Variants in CCDC170 observed in about 807,000 individuals in gnomAD.
CCDC170 encodes the protein coiled-coil domain-containing protein 170.
A neutral mutation model predicts 72.6 loss-of-function variants in CCDC170; 69 were observed. The observed-to-expected ratio is 0.95, with a 90% CI of 0.78 to 1.16. CCDC170 has a LOEUF of 1.16. Among genes scored for constraint, CCDC170 ranks in the 50% most tolerant of loss-of-function variants. The pLI is 0.00. For synonymous variants in CCDC170, 300 were observed against 303.9 expected (o/e 0.99, Z 0.13); for missense variants, 852 against 832.5 (o/e 1.02, Z -0.29).
At chr6:151,531,694 AT>A (rs1782492959) in intron 1 of CCDC170, among the ~76,000 whole-genome samples, 1 of 152,238 alleles carries the variant, frequency 6.6e-6, no homozygotes, top group Non-Finnish European at 1.5e-5. Flanking sequence ...TGGGTAGTTT[AT>A]AAAGGAAAGA....
chr6:151,541,402 G>C (rs1454032211), intron 3 of CCDC170, among the ~76,000 whole-genome samples: 1 of 152,144 alleles, frequency 6.6e-6, no homozygotes, highest in East Asian at 1.9e-4. Flanking sequence ...GTTTTTCAGA[G>C]ATGGGGATCT....
chr6:151,535,198 T>C (rs972508043), intron 1 of CCDC170, among the ~76,000 whole-genome samples: 6 of 152,214 alleles, frequency 3.9e-5, no homozygotes, highest in African/African-American at 1.4e-4. Flanking sequence ...ACTGGGAATT[T>C]ACACTTCAAA....
chr6:151,519,834 G>A (rs1021393159), intron 1 of CCDC170, among the ~76,000 whole-genome samples: 3 of 152,188 alleles, frequency 2.0e-5, no homozygotes, highest in Non-Finnish European at 2.9e-5. Flanking sequence ...GCTAGTGGTA[G>A]GAGTGTCTTT....
chr6:151,545,271 T>C (rs148362436), intron 4 of CCDC170, among the ~76,000 whole-genome samples: 2,107 of 152,140 alleles, frequency 0.014, 56 homozygotes, highest in African/African-American at 0.048. Flanking sequence ...ATACAAAAAT[T>C]AGCCAGGCGT....
chr6:151,544,725 A>G lies in CCDC170; in HGVS notation c.588+9A>G. The G allele has an allele frequency of 1.2e-6, 2 of 1,602,412 alleles. No homozygotes were observed. The highest frequency in any genetic ancestry group is 1.7e-6 in the Non-Finnish European group (2 of 1,171,324). ...AAGATTTAATTTTAAAGGTGTCTGT[A>G]TGCAGATTAAAAAGTCTATAAATGT... On this transcript the variant is annotated intron_variant, in intron 4 of 10. Transcript: ENST00000239374.
rs1316846372 is a variant in CCDC170 at position 151,520,818 on chromosome 6, C to A, written c.58-15500C>A. On this transcript the variant is annotated intron_variant, in intron 1 of 10. Transcript: ENST00000239374. ...TTTCAACTTCCCATCTCTTACTTAACCAGTCAACATTCCTGGTTCACTGGC... is the reference window on the plus strand; with the variant it reads ...TTTCAACTTCCCATCTCTTACTTAAACAGTCAACATTCCTGGTTCACTGGC... Among the ~76,000 whole-genome samples the A allele has an allele frequency of 2.0e-5, 3 of 152,168 alleles. No homozygotes were observed. The East Asian group carries it at 5.8e-4, about 29-fold the overall frequency.
At chr6:151,557,160 G>A (rs2115068171) in intron 5 of CCDC170, among the ~76,000 whole-genome samples, 1 of 152,202 alleles carries the variant, frequency 6.6e-6, no homozygotes, top group South Asian at 2.1e-4. Flanking sequence ...TGTAATCCCA[G>A]CACTTTGGGA....
chr6:151,533,920 G>A (rs1250672426), intron 1 of CCDC170, among the ~76,000 whole-genome samples: 1 of 152,106 alleles, frequency 6.6e-6, no homozygotes, highest in Admixed American at 6.5e-5. Context: ...TGGACTCTGA[G>A]GGTGATTTAG....
At chr6:151,511,885 C>T (rs2115026134) in intron 1 of CCDC170, among the ~76,000 whole-genome samples, 1 of 152,218 alleles carries the variant, frequency 6.6e-6, no homozygotes, top group African/African-American at 2.4e-5. Context: ...TCAGTCTCTG[C>T]CACCCAGACT....
intron 9 of CCDC170, among the ~76,000 whole-genome samples, chr6:151,599,024 C>T (rs1284232485): frequency 1.3e-5 from 2 of 151,970 alleles, no homozygotes; most frequent in African/African-American, 4.8e-5. Flanking sequence ...TCCAAAGAAG[C>T]TAGAAAAGAA....
At chr6:151,574,430 G>T (rs189741910) in intron 6 of CCDC170, among the ~76,000 whole-genome samples, 1 of 152,254 alleles carries the variant, frequency 6.6e-6, no homozygotes, top group Non-Finnish European at 1.5e-5. Context: ...TCTACAGAAA[G>T]GGGTTAGCAC....
chr6:151,579,673 C>T (rs545783007), intron 6 of CCDC170, among the ~76,000 whole-genome samples: 2 of 152,282 alleles, frequency 1.3e-5, no homozygotes, highest in Non-Finnish European at 2.9e-5. Flanking sequence ...CCTAGAAAGA[C>T]TTCTAGTTGA....
At chr6:151,535,242 G>A (rs1285989688) in intron 1 of CCDC170, among the ~76,000 whole-genome samples, 1 of 152,186 alleles carries the variant, frequency 6.6e-6, no homozygotes, top group Non-Finnish European at 1.5e-5. Flanking sequence ...TGAAAAACTG[G>A]AATGATTTGG....
chr6:151,544,756 T>C, intron 4 of CCDC170, 40 bp downstream of exon 4: 1 of 1,569,902 alleles, frequency 6.4e-7, no homozygotes, highest in South Asian at 1.2e-5. Flanking sequence ...AATGTAGTGG[T>C]GATTCTGACA....
chr6:151,518,289 G>C lies in CCDC170; in HGVS notation c.58-18029G>C, dbSNP rs867827155. ...ACTTTCTAAGCCAGCCCATCTCCAG[G>C]GGGTGGGATCTTGGAGAAATCAGGC... is the stretch of plus-strand genomic sequence containing the variant. On this transcript the variant is annotated intron_variant, in intron 1 of 10. Transcript: ENST00000239374. 1.8e-4 allele frequency among the ~76,000 whole-genome samples: 27 copies of C among 152,148 alleles called. No homozygotes were observed. The East Asian group carries it at 2.1e-3, about 12-fold the overall frequency.
chr6:151,530,047 A>T, intron 1 of CCDC170, among the ~76,000 whole-genome samples: 1 of 152,174 alleles, frequency 6.6e-6, no homozygotes, highest in East Asian at 1.9e-4. Flanking sequence ...ACCTAATGAC[A>T]TTTTTCTCCA....
chr6:151,568,105 GAAA>G (rs771627857), intron 5 of CCDC170, among the ~76,000 whole-genome samples: 1,741 of 38,272 alleles, frequency 0.045, 58 homozygotes, highest in African/African-American at 0.14. Flanking sequence ...GTGAGACTCT[GAAA>G]AAAAAAAAAA....
chr6:151,497,700 G>GT (rs1781929203), intron 1 of CCDC170, among the ~76,000 whole-genome samples: 1 of 151,982 alleles, frequency 6.6e-6, no homozygotes, highest in South Asian at 2.1e-4. Context: ...AATGTGCTGG[G>GT]TGCGGTGGCT....
intron 1 of CCDC170, among the ~76,000 whole-genome samples, chr6:151,499,603 C>G (rs867895095): frequency 1.5e-5 from 2 of 135,054 alleles, no homozygotes. Context: ...TGGAATCAGA[C>G]CGTATTTGAC....
Sources: gnomAD v4.1 joint callset for allele counts (sites outside exome capture counted in the v4.1 genomes callset) on GRCh38, gnomAD v4.1.1 for gene constraint, MANE v1.5 for transcripts, NCBI Gene and HGNC (gene_info 2026-07-23, HGNC 2026-07-21) for gene names.